PCSK6: variants seen among roughly 807,000 people sequenced by gnomAD.
PCSK6 encodes the protein paired basic amino acid cleaving enzyme 4.
PCSK6 carries 85 observed loss-of-function variants against 123.3 expected under a neutral mutation model. That is an observed-to-expected ratio of 0.69 (90% confidence interval 0.58 to 0.83). PCSK6 has a LOEUF of 0.83. Among genes scored for constraint, PCSK6 ranks in the 40% least tolerant of loss-of-function variants. PCSK6 has a pLI of 0.00. For missense variants in PCSK6, 1,191 were observed against 1,282.3 expected (o/e 0.93, Z 1.09); for synonymous variants, 508 against 516.0 (o/e 0.98, Z 0.21).
intron 12 of PCSK6, among the ~76,000 whole-genome samples, chr15:101,368,695 G>A (rs1002574338): frequency 6.6e-6 from 1 of 152,156 alleles, no homozygotes; most frequent in African/African-American, 2.4e-5. Flanking sequence ...TGGAGTGAAC[G>A]GAGAGCCCGT....
At chr15:101,396,766 T>C (rs2042424975) in intron 7 of PCSK6, among the ~76,000 whole-genome samples, 1 of 152,146 alleles carries the variant, frequency 6.6e-6, no homozygotes, top group Non-Finnish European at 1.5e-5. Context: ...CTTGGGGGAA[T>C]GGAGATAAAG....
Position 101,398,452 on chromosome 15 carries a change from G to A in PCSK6, c.948C>T (p.Asp316=), listed in dbSNP as rs371702983. 1.9e-5 allele frequency: 30 copies of A among 1,613,700 alleles called. No individual in the cohort carries two copies. In the South Asian group the frequency reaches 2.0e-4, roughly 11 times the overall value. The change falls in exon 7 of 22, where the codon GAC becomes GAT. Residue 316 remains aspartate (D), a synonymous_variant. Transcript: ENST00000611716. The surrounding 1 kb of genome is among the most constrained non-coding windows in gnomAD (Gnocchi z 4.6). ...WGPDDDGKTV[D]GPGRLAKQAF... ...CCTGCTTAGCCAGTCGGCCGGGCCC[G>A]TCCACCGTCTTGCCGTCGTCGTCCG...
At chr15:101,447,836 C>T (rs999176855) in intron 1 of PCSK6, among the ~76,000 whole-genome samples, 2 of 152,218 alleles carry the variant, frequency 1.3e-5, no homozygotes, top group Admixed American at 6.5e-5. Context: ...CTTCTCCAGC[C>T]GGTGCCTGAG....
intron 20 of PCSK6, among the ~76,000 whole-genome samples, chr15:101,310,071 T>G (rs569912896): frequency 6.6e-6 from 1 of 152,344 alleles, no homozygotes; most frequent in South Asian, 2.1e-4. Context: ...ACCAGCATTC[T>G]GGGGCCTGGA....
intron 13 of PCSK6, among the ~76,000 whole-genome samples, chr15:101,332,602 T>G (rs75806102): frequency 1.8e-3 from 276 of 152,332 alleles, no homozygotes; most frequent in African/African-American, 6.2e-3. Context: ...TTCTGGGGGA[T>G]AGCAGTGCTG....
chr15:101,440,025 C>T (rs1157949947), intron 2 of PCSK6, among the ~76,000 whole-genome samples: 1 of 152,198 alleles, frequency 6.6e-6, no homozygotes, highest in African/African-American at 2.4e-5. Context: ...TAACTATAAG[C>T]CAGCTTGGAA....
chr15:101,440,088 G>A (rs939861482), intron 2 of PCSK6, among the ~76,000 whole-genome samples: 3 of 152,230 alleles, frequency 2.0e-5, no homozygotes, highest in Non-Finnish European at 2.9e-5. Flanking sequence ...TCAGTGATTG[G>A]TCGACGCTTC....
chr15:101,388,046 C>G (rs569998637), intron 9 of PCSK6, among the ~76,000 whole-genome samples: 1 of 152,314 alleles, frequency 6.6e-6, no homozygotes, highest in South Asian at 2.1e-4. Flanking sequence ...TTTAAGGGGA[C>G]AATGCGCCCC....
intron 8 of PCSK6, among the ~76,000 whole-genome samples, chr15:101,391,472 T>A (rs1223591055): frequency 1.3e-5 from 2 of 152,156 alleles, no homozygotes; most frequent in East Asian, 3.9e-4. Context: ...CCCTCCTGAG[T>A]CCTAGTGCCA....
Position 101,384,337 on chromosome 15 carries a change from C to T in PCSK6, c.1399G>A (p.Gly467Ser), listed in dbSNP as rs372536338. ...HLKASDWKVN[G>S]AGHKVSHFYG... ...ACTGCCGCACCTTTATGACCCGCGC[C>T]GTTCACTTTCCAGTCGCTCGCTTTC... Residue 467 changes from glycine (G) to serine (S), a missense_variant, in exon 10 of 22, where the codon GGC becomes AGC. Physicochemically the swap from Gly to Ser is moderately conservative, Grantham distance 56 (BLOSUM62 0). Coordinates refer to ENST00000611716, the MANE Select transcript of PCSK6 (RefSeq NM_002570.5). 66 of 1,613,684 alleles carry T rather than the reference C, an allele frequency of 4.1e-5. No individual in the cohort carries two copies. The highest frequency in any genetic ancestry group is 3.1e-4 in the South Asian group (28 of 91,032).
At chr15:101,306,283 G>T (rs1471798094) in intron 21 of PCSK6, among the ~76,000 whole-genome samples, 4 of 152,134 alleles carry the variant, frequency 2.6e-5, no homozygotes, top group Non-Finnish European at 5.9e-5. Flanking sequence ...CATAACCTGG[G>T]CAGGTGACTT....
chr15:101,394,929 A>T (rs145762364), intron 7 of PCSK6, among the ~76,000 whole-genome samples: 1 of 152,250 alleles, frequency 6.6e-6, no homozygotes, highest in Non-Finnish European at 1.5e-5. Context: ...CAAGAGCTCA[A>T]CAGAAAGGTC....
At chr15:101,455,651 T>C (rs1435982421) in intron 1 of PCSK6, among the ~76,000 whole-genome samples, 1 of 152,220 alleles carries the variant, frequency 6.6e-6, no homozygotes, top group Non-Finnish European at 1.5e-5. Flanking sequence ...CAGCTCCCAG[T>C]GCATGAAGAT....
chr15:101,325,341 G>A (rs904030532), intron 16 of PCSK6, among the ~76,000 whole-genome samples: 3 of 152,190 alleles, frequency 2.0e-5, no homozygotes, highest in Non-Finnish European at 2.9e-5. Flanking sequence ...TGGAACTGTC[G>A]GCTCTGGCAA....
In PCSK6 at chr15:101,379,337, C is replaced by T. The variant is rs187383496; in HGVS notation, c.1532+2755G>A. 1.2e-4 allele frequency among the ~76,000 whole-genome samples: 19 copies of T among 152,216 alleles called. No homozygotes were observed. In the South Asian group the frequency reaches 1.5e-3, roughly 12 times the overall value. ...CCCTCTCCCTCAGGACCATGTGTGACGTCACCATAGACCTGACAGGTGTGG... is the reference window on the plus strand; with the variant it reads ...CCCTCTCCCTCAGGACCATGTGTGATGTCACCATAGACCTGACAGGTGTGG... On this transcript the variant is annotated intron_variant, in intron 11 of 21. Coordinates refer to ENST00000611716, the MANE Select transcript of PCSK6 (RefSeq NM_002570.5).
intron 1 of PCSK6, among the ~76,000 whole-genome samples, chr15:101,454,200 A>C (rs2057113111): frequency 6.6e-6 from 1 of 152,272 alleles, no homozygotes; most frequent in African/African-American, 2.4e-5. Context: ...ACTTGAGAGC[A>C]AGTTATCCCA....
In PCSK6 at chr15:101,324,854, A is replaced by T. The variant is rs1317725240; in HGVS notation, c.2373T>A (p.Asp791Glu). Residue 791 changes from aspartate to glutamate, a missense_variant, in exon 17 of 22, where the codon GAT becomes GAA. This residue lies in a region of PCSK6 where 630 missense variants were observed against 631.4 expected (regional missense o/e 1.00). Coordinates refer to ENST00000611716, the MANE Select transcript of PCSK6 (RefSeq NM_002570.5). ...VTLCPAGFYADESQKNCLKCH... is the reference protein window; with the variant it reads ...VTLCPAGFYAEESQKNCLKCH... Reference sequence around the variant, plus strand: ...ACCCACAAACAAGCCACTTACTTTCATCAGCATAAAATCCTGCAGGACAGA... The same window carrying T: ...ACCCACAAACAAGCCACTTACTTTCTTCAGCATAAAATCCTGCAGGACAGA... 28 of 1,610,254 alleles carry T rather than the reference A, an allele frequency of 1.7e-5. No individual in the cohort carries two copies. Among genetic ancestry groups the T allele is most frequent in the Non-Finnish European group, 2.2e-5 (26 of 1,177,348 alleles).
intron 13 of PCSK6, among the ~76,000 whole-genome samples, chr15:101,354,342 C>T (rs1222909294): frequency 6.6e-6 from 1 of 152,226 alleles, no homozygotes; most frequent in Non-Finnish European, 1.5e-5. Context: ...TACTCTCCCT[C>T]ACACATGCAC....
At chr15:101,390,241 A>C (rs1280957408) in intron 8 of PCSK6, among the ~76,000 whole-genome samples, 1 of 152,266 alleles carries the variant, frequency 6.6e-6, no homozygotes, top group Non-Finnish European at 1.5e-5. Context: ...TGTGGGATGG[A>C]TTCTGGACCT....
Sources: allele counts gnomAD v4.1 joint callset (sites outside exome capture counted in the v4.1 genomes callset), GRCh38; gene constraint gnomAD v4.1.1; regional missense constraint gnomAD v4.1.1; non-coding constraint Gnocchi (gnomAD v3.1); transcripts MANE v1.5; gene names NCBI Gene and HGNC (gene_info 2026-07-23, HGNC 2026-07-21).